Variants in RPRD1A observed in about 807,000 individuals in gnomAD.
RPRD1A encodes the protein regulation of nuclear pre-mRNA domain-containing protein 1A.
In RPRD1A, 9 loss-of-function variants were observed where a neutral mutation model predicts 37.8. The observed-to-expected ratio is 0.24, with a 90% CI of 0.14 to 0.42. The LOEUF (loss-of-function observed/expected upper bound fraction) is 0.42, where lower values mean the gene tolerates loss of function less well. RPRD1A is among the 10% of genes least tolerant of loss of function. The probability of loss-of-function intolerance (pLI) is 1.00; values close to 1 mark genes in which losing one functional copy is unlikely to be tolerated. For synonymous variants in RPRD1A, 138 were observed against 139.7 expected, an observed-to-expected ratio of 0.99 and a Z score of 0.08; for missense variants, 255 against 371.0, an observed-to-expected ratio of 0.69 and a Z score of 2.57.
chr18:36,008,577 G>GTATATATATATATATATATATATATATA (rs141531156), intron 6 of RPRD1A, among the ~76,000 whole-genome samples: 12 of 47,796 alleles, frequency 2.5e-4, no homozygotes, highest in African/African-American at 8.1e-4. Flanking sequence ...CCTTGTGTGT[G>GTATATATATATATATATATATATATATA]TATATATATA....
intron 4 of RPRD1A, among the ~76,000 whole-genome samples, chr18:36,028,419 TAAC>T (rs1322235317): frequency 1.3e-5 from 2 of 152,148 alleles, no homozygotes; most frequent in East Asian, 1.9e-4. Context: ...TGCTTAAGAG[TAAC>T]AACAATTACC....
intron 1 of RPRD1A, among the ~76,000 whole-genome samples, chr18:36,066,901 C>T (rs1295560771): frequency 6.6e-6 from 1 of 152,124 alleles, no homozygotes; most frequent in Non-Finnish European, 1.5e-5. Context: ...TTTTTCTTTC[C>T]ACTCCCCTAC....
chr18:36,063,868 T>G (rs1201182248), intron 1 of RPRD1A: 1 of 152,208 alleles, frequency 6.6e-6, no homozygotes, highest in Non-Finnish European at 1.5e-5. Context: ...GGCAGCGGTA[T>G]GTTCATCAGC....
At position 36,032,043 on chromosome 18, in the gene RPRD1A, G is replaced by A. The variant is rs184394593; in HGVS notation, c.282-946C>T. Among the ~76,000 whole-genome samples the A allele has an allele frequency of 2.6e-5, 4 of 152,218 alleles. No individual in the cohort carries two copies. In the East Asian group the frequency reaches 7.7e-4, roughly 29 times the overall value. ...AGAATCCTTTCTGCCTAGTCAAATG[G>A]CTCATTTCACCCCTTCCTTTAGTCT... On this transcript the variant is annotated intron_variant, in intron 2 of 6. Transcript: ENST00000399022.
intron 1 of RPRD1A, among the ~76,000 whole-genome samples, chr18:36,057,477 G>A (rs942151254): frequency 2.0e-5 from 3 of 152,258 alleles, no homozygotes; most frequent in African/African-American, 7.2e-5. Context: ...GCCAGGCATG[G>A]TGGTGTGCAC....
intron 6 of RPRD1A, among the ~76,000 whole-genome samples, chr18:35,996,276 T>A (rs564105952): frequency 6.6e-6 from 1 of 152,022 alleles, no homozygotes; most frequent in Admixed American, 6.5e-5. Context: ...TTTTTTTTTT[T>A]AAAGAAAGTC....
At chr18:36,061,125 A>G (rs1318734841) in intron 1 of RPRD1A, among the ~76,000 whole-genome samples, 2 of 152,172 alleles carry the variant, frequency 1.3e-5, no homozygotes, top group Non-Finnish European at 2.9e-5. Flanking sequence ...TTGTTCAAAG[A>G]GGTCTTTTAT....
intron 6 of RPRD1A, among the ~76,000 whole-genome samples, chr18:36,006,235 G>A (rs1481785102): frequency 6.6e-6 from 1 of 152,188 alleles, no homozygotes; most frequent in Non-Finnish European, 1.5e-5. Flanking sequence ...CTGGAGTGCA[G>A]TGGCGTCACC....
chr18:36,023,614 G>A (rs577070993), intron 6 of RPRD1A, among the ~76,000 whole-genome samples: 54 of 152,296 alleles, frequency 3.5e-4, no homozygotes, highest in African/African-American at 1.3e-3. Flanking sequence ...CAAATGTACT[G>A]CATCCTACAG....
intron 1 of RPRD1A, among the ~76,000 whole-genome samples, chr18:36,045,050 G>GGGCA (rs1330891177): frequency 6.6e-6 from 1 of 152,040 alleles, no homozygotes; most frequent in South Asian, 2.1e-4. Context: ...GATGAGCCTG[G>GGGCA]GCAACGTGAA....
At chr18:36,004,961 C>T (rs1337306114) in intron 6 of RPRD1A, among the ~76,000 whole-genome samples, 1 of 151,778 alleles carries the variant, frequency 6.6e-6, no homozygotes, top group African/African-American at 2.4e-5. Flanking sequence ...AATCTGGCTA[C>T]CTATGTTAAG....
chr18:36,017,727 A>G (rs1307366493), intron 6 of RPRD1A, among the ~76,000 whole-genome samples: 1 of 152,244 alleles, frequency 6.6e-6, no homozygotes, highest in African/African-American at 2.4e-5. Context: ...TATTGATATT[A>G]CATTTCCATT....
chr18:36,036,201 T>C lies in RPRD1A; in HGVS notation c.152-2364A>G, dbSNP rs865899962. 3.9e-5 allele frequency among the ~76,000 whole-genome samples: 6 copies of C among 152,078 alleles called. No individual in the cohort carries two copies. In the South Asian group the frequency reaches 6.2e-4, roughly 16 times the overall value. ...CAATCCTCCTGCCTCAGCTTCCAAG[T>C]AGCTGGAACCACAGGCACACGCCAC... On this transcript the variant is annotated intron_variant, in intron 1 of 6. Transcript: ENST00000399022.
At chr18:36,050,376 CTG>C (rs1386211159) in intron 1 of RPRD1A, among the ~76,000 whole-genome samples, 2 of 152,050 alleles carry the variant, frequency 1.3e-5, no homozygotes, top group African/African-American at 2.4e-5. Context: ...CAATGGAAAA[CTG>C]TGCAATGATT....
At chr18:36,065,677 A>G (rs1230378918) in intron 1 of RPRD1A, among the ~76,000 whole-genome samples, 6 of 152,212 alleles carry the variant, frequency 3.9e-5, no homozygotes, top group African/African-American at 1.4e-4. Flanking sequence ...AAATAGTTAC[A>G]TATTTTTACA....
At chr18:36,064,656 A>G (rs1056460759) in intron 1 of RPRD1A, among the ~76,000 whole-genome samples, 1 of 152,176 alleles carries the variant, frequency 6.6e-6, no homozygotes, top group Non-Finnish European at 1.5e-5. Flanking sequence ...AAAACGGACC[A>G]ATCAGCTCTC....
At chr18:36,006,543 G>A (rs960320096) in intron 6 of RPRD1A, among the ~76,000 whole-genome samples, 11 of 152,178 alleles carry the variant, frequency 7.2e-5, no homozygotes, top group South Asian at 2.1e-4. Flanking sequence ...TTTCACCCCC[G>A]CAGTGTATAG....
At chr18:36,044,245 T>C (rs1365335836) in intron 1 of RPRD1A, among the ~76,000 whole-genome samples, 2 of 151,992 alleles carry the variant, frequency 1.3e-5, no homozygotes, top group African/African-American at 4.8e-5. Flanking sequence ...TCATGTAACT[T>C]TTACTGAAAA....
chr18:36,033,596 T>C, intron 2 of RPRD1A, 112 bp downstream of exon 2: 6 of 828,442 alleles, frequency 7.2e-6, no homozygotes, highest in Non-Finnish European at 1.0e-5. Context: ...AATAAAAGCA[T>C]CAAAAAACTA....
Sources: gnomAD v4.1 joint callset for allele counts (sites outside exome capture counted in the v4.1 genomes callset) on GRCh38, gnomAD v4.1.1 for gene constraint, MANE v1.5 for transcripts, NCBI Gene and HGNC (gene_info 2026-07-23, HGNC 2026-07-21) for gene names.